The following WDR4 variants were observed in gnomAD, a reference collection of about 807,000 sequenced individuals.
WDR4 encodes the protein WDR4 tRNA N7-guanosine methyltransferase non-catalytic subunit, also known as tRNA (guanine-N(7)-)-methyltransferase non-catalytic subunit WDR4.
In WDR4, 47 loss-of-function variants were observed where a neutral mutation model predicts 48.6. That is an observed-to-expected ratio of 0.97 (90% CI 0.77 to 1.23). The LOEUF (loss-of-function observed/expected upper bound fraction) is 1.23, where lower values mean the gene tolerates loss of function less well. Ranked by LOEUF, WDR4 falls within the 50% of genes most tolerant of loss-of-function variation. WDR4 has a pLI of 0.00. For synonymous variants in WDR4, 268 were observed against 230.0 expected, an observed-to-expected ratio of 1.17 and a Z score of -1.49; for missense variants, 606 against 551.6, an observed-to-expected ratio of 1.10 and a Z score of -0.99.
intron 7 of WDR4, among the ~76,000 whole-genome samples, chr21:42,855,029 G>A (rs7279178): frequency 0.19 from 28,104 of 151,760 alleles, 2,828 homozygotes; most frequent in Non-Finnish European, 0.21. Flanking sequence ...AGTGGCTCAC[G>A]CCTTTAATCC....
the WDR4 span, among the ~76,000 whole-genome samples, chr21:42,890,188 A>G: frequency 6.6e-6 from 1 of 152,090 alleles, no homozygotes; most frequent in Admixed American, 6.6e-5. Context: ...AACACCTTGG[A>G]GTTAAATGTT....
At chr21:42,872,016 C>T (rs2058378543) in intron 3 of WDR4, among the ~76,000 whole-genome samples, 1 of 151,400 alleles carries the variant, frequency 6.6e-6, no homozygotes, top group African/African-American at 2.4e-5. Flanking sequence ...CGGGGTTTTG[C>T]TCTTCTCACC....
chr21:42,868,101 T>C (rs1285554451), intron 3 of WDR4, among the ~76,000 whole-genome samples: 4 of 152,122 alleles, frequency 2.6e-5, no homozygotes, highest in Non-Finnish European at 5.9e-5. Context: ...GCAACCACAT[T>C]GAGTGGAGAG....
At position 42,876,713 on chromosome 21, in the gene WDR4, T is replaced by C; in HGVS notation, c.144A>G (p.Gln48=). The C allele has an allele frequency of 1.2e-6, 2 of 1,613,726 alleles. No homozygotes were observed. Among genetic ancestry groups the C allele is most frequent in the Non-Finnish European group, 1.7e-6 (2 of 1,179,868 alleles). The change falls in exon 2 of 11, where the codon CAA becomes CAG. Residue 48 remains glutamine, a synonymous_variant. Transcript: ENST00000398208. ...TCCCCACATCTCACCCTTTATTTTC[T>C]TGTGACTTCTTTTCTGCAGCACTGC... The part of the protein sequence containing the change: ...YDCSAAEKKS[Q]ENKGEDAPLD...
downstream of WDR4, among the ~76,000 whole-genome samples, chr21:42,848,407 C>T (rs867124981): frequency 3.3e-4 from 48 of 146,522 alleles, no homozygotes; most frequent in Middle Eastern, 3.4e-3. Context: ...GATCACGCGG[C>T]GCGCACCTCA....
At chr21:42,870,013 CAA>C (rs35193980) in intron 3 of WDR4, among the ~76,000 whole-genome samples, 9 of 124,980 alleles carry the variant, frequency 7.2e-5, no homozygotes, top group Admixed American at 8.4e-5. Context: ...AACTCCATCT[CAA>C]AAAAAAAAAA....
chr21:42,873,132 TACAGACCCCTCA>T (rs1281175147), intron 3 of WDR4, among the ~76,000 whole-genome samples: 2 of 152,116 alleles, frequency 1.3e-5, no homozygotes, highest in African/African-American at 4.8e-5. Context: ...AATACTATGG[TACAGACCCCTCA>T]ACAGACCCCA....
chr21:42,852,625 G>C, intron 9 of WDR4, among the ~76,000 whole-genome samples: 1 of 152,230 alleles, frequency 6.6e-6, no homozygotes, highest in East Asian at 1.9e-4. Context: ...TGGCTTAAAA[G>C]TGCTTCCAGG....
intron 3 of WDR4, among the ~76,000 whole-genome samples, chr21:42,864,755 C>G (rs2058210973): frequency 6.6e-6 from 1 of 152,210 alleles, no homozygotes; most frequent in Non-Finnish European, 1.5e-5. Flanking sequence ...CTGGGGCTCT[C>G]ATTTCCACAT....
At chr21:42,878,383 C>A (rs1018940251) in intron 1 of WDR4, among the ~76,000 whole-genome samples, 1 of 152,192 alleles carries the variant, frequency 6.6e-6, no homozygotes, top group Non-Finnish European at 1.5e-5. Flanking sequence ...AATGCAAAGA[C>A]TGAAGGTAAG....
At chr21:42,885,157 A>G in the WDR4 span, among the ~76,000 whole-genome samples, 1 of 152,188 alleles carries the variant, frequency 6.6e-6, no homozygotes, top group Admixed American at 6.6e-5. Flanking sequence ...ATGAATAAAT[A>G]CCACACAGAC....
chr21:42,846,494 C>A (rs181081973), downstream of WDR4, among the ~76,000 whole-genome samples: 1 of 152,340 alleles, frequency 6.6e-6, no homozygotes, highest in Admixed American at 6.5e-5. Context: ...TTGCTGAAAT[C>A]CCAGTTCCAG....
the WDR4 span, among the ~76,000 whole-genome samples, chr21:42,886,599 G>A: frequency 6.6e-6 from 1 of 152,208 alleles, no homozygotes; most frequent in Non-Finnish European, 1.5e-5. Flanking sequence ...CTTTGCCAGC[G>A]TAAGGCCTGT....
chr21:42,850,109 C>G lies in WDR4; in HGVS notation c.1179G>C (p.Pro393=). 4 of 1,614,074 alleles carry G rather than the reference C, an allele frequency of 2.5e-6. No homozygotes were observed. Among genetic ancestry groups the G allele is most frequent in the Non-Finnish European group, 3.4e-6 (4 of 1,179,984 alleles). ...TCTTGGCATGCCCGTCGGGCCCAGGCGGGGGACTCCGGCGCCGCTGCTTCT... is the reference window on the plus strand; with the variant it reads ...TCTTGGCATGCCCGTCGGGCCCAGGGGGGGGACTCCGGCGCCGCTGCTTCT... ...LEKKQRRRSP[P]PGPDGHAKKM... The change falls in exon 11 of 11, where the codon CCG becomes CCC. Residue 393 remains proline, a synonymous_variant. Coordinates refer to ENST00000398208, the MANE Select transcript of WDR4 (RefSeq NM_018669.6).
At chr21:42,853,501 T>C in intron 9 of WDR4, 68 bp downstream of exon 9, 1 of 1,514,702 alleles carries the variant, frequency 6.6e-7, no homozygotes, top group Non-Finnish European at 8.9e-7. Flanking sequence ...AAAACATAGC[T>C]GCCGCCCCAC....
upstream of WDR4, among the ~76,000 whole-genome samples, chr21:42,882,754 G>A (rs8128665): frequency 0.6 from 90,923 of 151,600 alleles, 28,005 homozygotes; most frequent in African/African-American, 0.71. Flanking sequence ...ATTGAGGTCA[G>A]AAGTTTGAGA....
chr21:42,889,631 G>GT, the WDR4 span, among the ~76,000 whole-genome samples: 3 of 151,942 alleles, frequency 2.0e-5, no homozygotes, highest in African/African-American at 7.3e-5. Context: ...CTACTTCTCT[G>GT]TTTTTTTTGG....
At chr21:42,883,922 A>G (rs1209691363), upstream of WDR4, 1 of 152,436 alleles carries the variant, frequency 6.6e-6, no homozygotes, top group Non-Finnish European at 1.5e-5. Context: ...CATCACCCAC[A>G]AAATAAATCT....
At chr21:42,852,906 A>C (rs1439187862) in intron 9 of WDR4, among the ~76,000 whole-genome samples, 2 of 128,178 alleles carry the variant, frequency 1.6e-5, no homozygotes, top group African/African-American at 7.3e-5. Flanking sequence ...CACGAGCAAA[A>C]CTCCGTCTCA....
Sources: allele counts gnomAD v4.1 joint callset (sites outside exome capture counted in the v4.1 genomes callset), GRCh38; gene constraint gnomAD v4.1.1; transcripts MANE v1.5; gene names NCBI Gene and HGNC (gene_info 2026-07-23, HGNC 2026-07-21).